Variants in KDM2A observed in about 807,000 individuals in gnomAD.
KDM2A encodes the protein lysine-specific demethylase 2A.
KDM2A carries 3 observed loss-of-function variants against 137.3 expected under a neutral mutation model. The observed-to-expected ratio is 0.02, with a 90% confidence interval of 0.01 to 0.06. The LOEUF (loss-of-function observed/expected upper bound fraction) is 0.06. KDM2A is among the 10% of genes least tolerant of loss of function. The pLI, the probability that KDM2A is intolerant of heterozygous loss-of-function variation, is 1.00. For missense variants in KDM2A, 738 were observed against 1,510.6 expected, an observed-to-expected ratio of 0.49 and a Z score of 8.48; for synonymous variants, 512 against 541.5, an observed-to-expected ratio of 0.95 and a Z score of 0.76.
chr11:67,163,670 A>G (rs976828443), intron 2 of KDM2A, among the ~76,000 whole-genome samples: 2 of 152,144 alleles, frequency 1.3e-5, no homozygotes, highest in Non-Finnish European at 2.9e-5. Context: ...ATCCTGGCCA[A>G]CATGGTGAAA....
chr11:67,212,693 T>C (rs1420985880), intron 6 of KDM2A, among the ~76,000 whole-genome samples: 1 of 151,956 alleles, frequency 6.6e-6, no homozygotes, highest in Non-Finnish European at 1.5e-5. Flanking sequence ...AGTCTGAAGA[T>C]ACCTAATAAT....
At chr11:67,200,989 T>G (rs1857606163) in intron 5 of KDM2A, among the ~76,000 whole-genome samples, 1 of 151,790 alleles carries the variant, frequency 6.6e-6, no homozygotes. Context: ...GTCAGGAGAT[T>G]GAGACCATCT....
chr11:67,140,296 G>A lies in KDM2A; in HGVS notation c.42+18938G>A, dbSNP rs547845601. ...TGGAAGGATCACTTGAGCCTGGAAG[G>A]TCAAGGCTGCAGTGAGCTTTGATTA... On this transcript the variant is annotated intron_variant, in intron 2 of 20. Coordinates refer to ENST00000529006, the MANE Select transcript of KDM2A (RefSeq NM_012308.3). Among the ~76,000 whole-genome samples, 9 of 152,086 alleles carry A rather than the reference G, an allele frequency of 5.9e-5. No homozygotes were observed. In the South Asian group the frequency reaches 1.9e-3, roughly 32 times the overall value.
Position 67,257,721 on chromosome 11 carries a change from A to AT in KDM2A, c.*2673dup, listed in dbSNP as rs982469634. ...TTTCGGAGAAATATTGTAAATATAT[A>AT]TTTTTTTGTTGCTGATTTAGAGTCA... On this transcript the variant is annotated 3_prime_UTR_variant, in exon 21 of 21. Transcript: ENST00000529006. The AT allele has an allele frequency of 6.6e-6, 1 of 152,102 alleles. No homozygotes were observed. Among genetic ancestry groups the AT allele is most frequent in the Non-Finnish European group, 1.5e-5 (1 of 68,002 alleles). 9.4% of individuals were successfully genotyped at this position (152,102 alleles called of 1,614,324 possible).
chr11:67,135,195 A>C (rs1228941406), intron 2 of KDM2A, among the ~76,000 whole-genome samples: 4 of 151,794 alleles, frequency 2.6e-5, no homozygotes, highest in Non-Finnish European at 4.4e-5. Flanking sequence ...CAGCCTCCCG[A>C]GTAGCTGGGA....
intron 10 of KDM2A, 118 bp downstream of exon 10, chr11:67,219,521 G>A (rs1858269994): frequency 4.1e-6 from 2 of 483,842 alleles, no homozygotes; most frequent in South Asian, 9.2e-5. Context: ...TTAAAATGCA[G>A]TGTTGACATT....
intron 2 of KDM2A, among the ~76,000 whole-genome samples, chr11:67,150,729 C>T (rs979723289): frequency 6.6e-6 from 1 of 151,938 alleles, no homozygotes; most frequent in Non-Finnish European, 1.5e-5. Flanking sequence ...AGAGGGTCAG[C>T]AGACAAGGTG....
chr11:67,245,389 C>T lies in KDM2A; in HGVS notation c.1764C>T (p.Cys588=), dbSNP rs777246618. The change falls in exon 14 of 21, where the codon TGC becomes TGT. Residue 588 remains cysteine, a synonymous_variant. Coordinates refer to ENST00000529006, the MANE Select transcript of KDM2A (RefSeq NM_012308.3). The surrounding 1 kb of genome is among the most constrained non-coding windows in gnomAD (Gnocchi z 4.1). ...GAGAGTGTGGTGTTTGCCACTACTG[C>T]AGAGACATGAAGAAGTTTGGGGGGC... ...VQGECGVCHY[C]RDMKKFGGPG... is the part of the protein sequence containing the mutation. 2 of 1,613,824 alleles carry T rather than the reference C, an allele frequency of 1.2e-6. No homozygotes were observed. The highest frequency in any genetic ancestry group is 2.7e-5 in the African/African-American group (2 of 74,898).
At chr11:67,160,704 G>A (rs1856615269) in intron 2 of KDM2A, among the ~76,000 whole-genome samples, 2 of 152,148 alleles carry the variant, frequency 1.3e-5, no homozygotes, top group South Asian at 2.1e-4. Flanking sequence ...CTGGAAGGCA[G>A]AGGTTGCAGT....
intron 2 of KDM2A, among the ~76,000 whole-genome samples, chr11:67,146,286 C>A (rs1249310610): frequency 6.6e-6 from 1 of 151,980 alleles, no homozygotes; most frequent in Non-Finnish European, 1.5e-5. Context: ...AGCCACCGCA[C>A]CTGGCCCCCA....
At chr11:67,237,167 G>T (rs1303402299) in intron 12 of KDM2A, among the ~76,000 whole-genome samples, 1 of 152,088 alleles carries the variant, frequency 6.6e-6, no homozygotes, top group Non-Finnish European at 1.5e-5. Context: ...ATTGTTATTT[G>T]TGATGTAATA....
rs745593523 is a variant in KDM2A, at chr11:67,250,558, G to A, written c.2528G>A (p.Arg843Gln). The stretch of plus-strand genomic sequence containing the variant: ...GTGCTAGTGCAGCACTGCCCAGCCC[G>A]AACCCCCCAGCGTGGGGATGAGGAG... ...PRVLVQHCPA[R>Q]TPQRGDEEGL... is the part of the protein sequence containing the mutation. Residue 843 changes from arginine (R) to glutamine (Q), a missense_variant, in exon 17 of 21, where the codon CGA becomes CAA. Physicochemically the swap from Arg to Gln is conservative, Grantham distance 43. Around this residue, in one of 9 missense-constraint regions of KDM2A, gnomAD observed 244 missense variants for 324.6 expected, o/e 0.75. Coordinates refer to ENST00000529006, the MANE Select transcript of KDM2A (RefSeq NM_012308.3). This position sits in a 1 kb window ranked among gnomAD's most constrained non-coding sequence, Gnocchi z 7.1. The A allele has an allele frequency of 1.1e-5, 18 of 1,613,448 alleles. No homozygotes were observed. Among genetic ancestry groups the A allele is most frequent in the South Asian group, 8.8e-5 (8 of 91,062 alleles).
At chr11:67,158,110 C>G (rs1455628818) in intron 2 of KDM2A, among the ~76,000 whole-genome samples, 1 of 152,062 alleles carries the variant, frequency 6.6e-6, no homozygotes, top group Non-Finnish European at 1.5e-5. Context: ...ATCCCCTTTC[C>G]TCTCCCCCAT....
chr11:67,121,827 A>G (rs1323023766), intron 2 of KDM2A, among the ~76,000 whole-genome samples: 1 of 152,176 alleles, frequency 6.6e-6, no homozygotes, highest in Non-Finnish European at 1.5e-5. Flanking sequence ...ATAAATTAAC[A>G]TTTTGGTAGC....
intron 2 of KDM2A, among the ~76,000 whole-genome samples, chr11:67,143,997 A>G (rs921676177): frequency 1.3e-5 from 2 of 150,558 alleles, no homozygotes; most frequent in African/African-American, 4.9e-5. Context: ...ACTGGCGTGC[A>G]GTGGTGCAAT....
chr11:67,254,772 G>A lies in KDM2A; in HGVS notation c.3308-102G>A. On this transcript the variant is annotated intron_variant, in intron 20 of 20. Coordinates refer to ENST00000529006, the MANE Select transcript of KDM2A (RefSeq NM_012308.3). The surrounding 1 kb of genome is among the most constrained non-coding windows in gnomAD (Gnocchi z 4.7). Reference sequence around the variant, plus strand: ...GCCAGGTAGTTGTGGGACAAAGAGGGCTTTTGTTTAGCATTTTGAAGGAAA... The same window carrying A: ...GCCAGGTAGTTGTGGGACAAAGAGGACTTTTGTTTAGCATTTTGAAGGAAA... The A allele has an allele frequency of 1.8e-6, 2 of 1,097,824 alleles. No individual in the cohort carries two copies. Among genetic ancestry groups the A allele is most frequent in the Non-Finnish European group, 1.3e-6 (1 of 756,088 alleles). 68.0% of individuals were successfully genotyped at this position (1,097,824 alleles called of 1,614,324 possible).
At chr11:67,196,163 A>T in intron 5 of KDM2A, 1 of 417,122 alleles carries the variant, frequency 2.4e-6, no homozygotes, top group South Asian at 1.7e-5. Context: ...AACAAGACAT[A>T]ATCCACTACA....
chr11:67,188,160 G>A (rs760839167), intron 5 of KDM2A, among the ~76,000 whole-genome samples: 18 of 152,082 alleles, frequency 1.2e-4, no homozygotes, highest in Non-Finnish European at 2.6e-4. Flanking sequence ...GTCCAGCCTG[G>A]GTGACAGAGC....
At chr11:67,226,343 C>G (rs1646305982) in intron 10 of KDM2A, among the ~76,000 whole-genome samples, 1 of 152,140 alleles carries the variant, frequency 6.6e-6, no homozygotes, top group Non-Finnish European at 1.5e-5. Context: ...ATAGACAATC[C>G]TGATGATTCA....
Sources: gnomAD v4.1 joint callset for allele counts (sites outside exome capture counted in the v4.1 genomes callset) on GRCh38, gnomAD v4.1.1 for gene constraint, gnomAD v4.1.1 regional missense constraint, Gnocchi (gnomAD v3.1) non-coding constraint, MANE v1.5 for transcripts, NCBI Gene and HGNC (gene_info 2026-07-23, HGNC 2026-07-21) for gene names.